Variants in CEP63 observed in about 807,000 individuals in gnomAD.
The protein encoded by CEP63 is centrosomal protein 63.
In CEP63, 84 loss-of-function variants were observed where a neutral mutation model predicts 89.1. That is an observed-to-expected ratio of 0.94 (90% CI 0.79 to 1.13). CEP63 has a LOEUF of 1.13. Ranked by LOEUF, CEP63 falls within the 50% of genes most tolerant of loss-of-function variation. CEP63 has a pLI of 0.00. For missense variants in CEP63, 838 were observed against 813.3 expected, an observed-to-expected ratio of 1.03 and a Z score of -0.37; for synonymous variants, 267 against 272.5, an observed-to-expected ratio of 0.98 and a Z score of 0.20.
the CEP63 span, among the ~76,000 whole-genome samples, chr3:134,711,858 G>T: frequency 6.6e-6 from 1 of 151,676 alleles, no homozygotes; most frequent in African/African-American, 2.4e-5. Flanking sequence ...TGCCCCCTGG[G>T]TTCAAGTGAT....
intron 8 of CEP63, 80 bp from the exon 9 acceptor site, chr3:134,547,255 T>G: frequency 7.4e-7 from 1 of 1,359,990 alleles, no homozygotes; most frequent in Non-Finnish European, 1.0e-6. Flanking sequence ...CCAAAAATGA[T>G]GGGGAAACAC....
At chr3:134,698,022 A>G in the CEP63 span, among the ~76,000 whole-genome samples, 152,259 of 152,348 alleles carry the variant, frequency 1, 76,088 homozygotes, top group Middle Eastern at 1. Flanking sequence ...CCAGACATGG[A>G]AGACTGCGTG....
intron 1 of CEP63, among the ~76,000 whole-genome samples, chr3:134,487,198 T>G (rs1208089071): frequency 6.6e-6 from 1 of 152,248 alleles, no homozygotes; most frequent in Non-Finnish European, 1.5e-5. Flanking sequence ...GATCGTTGAT[T>G]AGATTTCTGT....
At chr3:134,572,208 G>A (rs1958036883) in intron 11 of CEP63, among the ~76,000 whole-genome samples, 1 of 152,148 alleles carries the variant, frequency 6.6e-6, no homozygotes, top group South Asian at 2.1e-4. Flanking sequence ...CAGTATTTGT[G>A]CTTAATGTCA....
At chr3:134,744,449 C>T in the CEP63 span, among the ~76,000 whole-genome samples, 1 of 152,104 alleles carries the variant, frequency 6.6e-6, no homozygotes, top group Admixed American at 6.5e-5. Flanking sequence ...AAACGGGTGG[C>T]AATTTGGGAA....
In CEP63 at chr3:134,550,156, C is replaced by T; in HGVS notation, c.1276C>T (p.Gln426Ter). 1 of 1,613,686 alleles carries T rather than the reference C, an allele frequency of 6.2e-7. No individual in the cohort carries two copies. Among genetic ancestry groups the T allele is most frequent in the African/African-American group, 1.3e-5 (1 of 75,032 alleles). ...EISHLTQELH[Q>*]RDITIASTKG... ...CTCCCATCTAACTCAGGAGTTACAT[C>T]AGCGAGATATCACTATTGCTTCCAC... The change falls in exon 11 of 15, where the codon CAG becomes TAG. Residue 426 changes from glutamine to a stop codon, truncating the protein, a stop_gained. Coordinates refer to ENST00000675561, the MANE Select transcript of CEP63 (RefSeq NM_001353108.3). LOFTEE classifies it high-confidence loss of function.
At position 134,497,739 on chromosome 3, in the gene CEP63, AT is replaced by A. The variant is rs375856540; in HGVS notation, c.44+2385del. 7.9e-3 allele frequency among the ~76,000 whole-genome samples: 1,183 copies of A among 149,270 alleles called. 17 individuals carry two copies. The highest frequency in any genetic ancestry group is 0.027 in the African/African-American group (1,105 of 40,662). The stretch of plus-strand genomic sequence containing the variant: ...TAAGTCTTTAGTCCATTTTGAGTTG[AT>A]TTTTTTTTTAATATGGTGAGAGATA... On this transcript the variant is annotated intron_variant, in intron 2 of 14. Transcript: ENST00000675561.
chr3:134,691,762 C>T, the CEP63 span, among the ~76,000 whole-genome samples: 2 of 151,962 alleles, frequency 1.3e-5, no homozygotes, highest in Non-Finnish European at 2.9e-5. Flanking sequence ...CTCTGTTGCC[C>T]AGGCTGTAGT....
chr3:134,499,136 A>G (rs1941152631), intron 2 of CEP63, among the ~76,000 whole-genome samples: 1 of 152,206 alleles, frequency 6.6e-6, no homozygotes, highest in Non-Finnish European at 1.5e-5. Flanking sequence ...TGAAGTTGGT[A>G]GAATTCAGCA....
chr3:134,589,072 T>C (rs1257194193), downstream of CEP63, among the ~76,000 whole-genome samples: 1 of 152,186 alleles, frequency 6.6e-6, no homozygotes. Context: ...AAAAACTTCC[T>C]ACAACAAAAG....
At chr3:134,743,645 G>A in the CEP63 span, among the ~76,000 whole-genome samples, 10 of 152,240 alleles carry the variant, frequency 6.6e-5, 1 homozygote, top group Admixed American at 5.2e-4. Context: ...ATAGGATGCA[G>A]CAGTTTGCAG....
At chr3:134,724,335 T>C in the CEP63 span, among the ~76,000 whole-genome samples, 1 of 152,262 alleles carries the variant, frequency 6.6e-6, no homozygotes, top group South Asian at 2.1e-4. Flanking sequence ...TTCTGGTATC[T>C]GCTAAGGGGG....
the CEP63 span, among the ~76,000 whole-genome samples, chr3:134,678,881 GC>G: frequency 6.6e-6 from 1 of 152,312 alleles, no homozygotes; most frequent in African/African-American, 2.4e-5. Flanking sequence ...CCCAGCTGAG[GC>G]CCTGAGCTTG....
chr3:134,518,247 A>C (rs1946651062), intron 3 of CEP63, among the ~76,000 whole-genome samples: 1 of 152,194 alleles, frequency 6.6e-6, no homozygotes, highest in African/African-American at 2.4e-5. Context: ...CAACAAGCAG[A>C]GAAAACCTCA....
intron 10 of CEP63, among the ~76,000 whole-genome samples, chr3:134,581,004 GATGTGGTATGAGAAGGA>G (rs1373677725): frequency 1.3e-4 from 3 of 22,582 alleles, no homozygotes; most frequent in Non-Finnish European, 3.6e-4. Context: ...GTATCAGAGT[GATGTGGTATGAGAAGGA>G]CTCCACTGGC....
chr3:134,573,880 C>T (rs1299698911), intron 11 of CEP63, among the ~76,000 whole-genome samples: 6 of 152,128 alleles, frequency 3.9e-5, no homozygotes, highest in Admixed American at 2.6e-4. Flanking sequence ...AGCATTCTGC[C>T]TGTGTTAGAG....
At chr3:134,611,422 C>T in the CEP63 span, among the ~76,000 whole-genome samples, 1 of 152,230 alleles carries the variant, frequency 6.6e-6, no homozygotes, top group Non-Finnish European at 1.5e-5. Flanking sequence ...CAGCCCTGCT[C>T]CCCTGAGGAC....
At chr3:134,714,573 C>T in the CEP63 span, among the ~76,000 whole-genome samples, 1 of 152,344 alleles carries the variant, frequency 6.6e-6, no homozygotes, top group Non-Finnish European at 1.5e-5. Context: ...ATGGCTGAGT[C>T]AGGCTGATTC....
chr3:134,627,837 C>G, the CEP63 span: 1 of 1,600,268 alleles, frequency 6.2e-7, no homozygotes, highest in Non-Finnish European at 8.6e-7. Context: ...TTCCAAAGAT[C>G]AGAAGTATAG....
Sources: gnomAD v4.1 joint callset for allele counts (sites outside exome capture counted in the v4.1 genomes callset) on GRCh38, gnomAD v4.1.1 for gene constraint, MANE v1.5 for transcripts, NCBI Gene and HGNC (gene_info 2026-07-23, HGNC 2026-07-21) for gene names.